The following CHD1 variants were observed in gnomAD, a reference collection of about 807,000 sequenced individuals.
CHD1 encodes chromodomain helicase DNA binding protein 1.
CHD1 carries 36 observed loss-of-function variants against 224.2 expected under a neutral mutation model. That is an observed-to-expected ratio of 0.16 (90% CI 0.12 to 0.21). CHD1 has a LOEUF of 0.21. CHD1 is among the 10% of genes least tolerant of loss of function. CHD1 has a pLI of 1.00. For synonymous variants in CHD1, 668 were observed against 658.3 expected (o/e 1.01, Z -0.23); for missense variants, 1,378 against 1,994.8 (o/e 0.69, Z 5.89).
At position 98,869,208 on chromosome 5, in the gene CHD1, C is replaced by G. The variant is rs1749129733; in HGVS notation, c.4107+546G>C. Reference sequence around the variant, plus strand: ...TCCTTCTTTATATAAACATCTGGCTCAGGTTTTTCTTCACTGTCTCTTTCT... The same window carrying G: ...TCCTTCTTTATATAAACATCTGGCTGAGGTTTTTCTTCACTGTCTCTTTCT... On this transcript the variant is annotated intron_variant, in intron 30 of 35. Transcript: ENST00000614616. 2.6e-5 allele frequency: 25 copies of G among 978,556 alleles called. No individual in the cohort carries two copies. In the South Asian group the frequency reaches 9.9e-4, roughly 39 times the overall value. 60.6% of individuals were successfully genotyped at this position (978,556 alleles called of 1,614,324 possible). A position where few individuals can be genotyped will look rare whatever the true frequency, so the allele number is the denominator to read the frequency against.
chr5:98,922,725 T>C (rs756893403), intron 2 of CHD1, among the ~76,000 whole-genome samples: 28 of 152,334 alleles, frequency 1.8e-4, no homozygotes, highest in Non-Finnish European at 4.1e-4. Context: ...CGGTGGCTCA[T>C]GCCTGTAATC....
chr5:98,907,120 G>T (rs978160429), intron 2 of CHD1, among the ~76,000 whole-genome samples: 1 of 152,158 alleles, frequency 6.6e-6, no homozygotes, highest in East Asian at 1.9e-4. Flanking sequence ...AATGAATACA[G>T]AAATCTTTCC....
intron 22 of CHD1, among the ~76,000 whole-genome samples, chr5:98,880,424 C>T (rs902384836): frequency 6.6e-6 from 1 of 152,224 alleles, no homozygotes; most frequent in Non-Finnish European, 1.5e-5. Context: ...TTTTTATTCA[C>T]TGTGTGGGGT....
Position 98,856,254 on chromosome 5 carries a change from GAAGT to G in CHD1, c.*122_*125del, listed in dbSNP as rs1748011382. 1.5e-6 allele frequency: 1 copy of G among 663,400 alleles called. No homozygotes were observed. The highest frequency in any genetic ancestry group is 1.8e-5 in the African/African-American group (1 of 55,110). 41.1% of individuals were successfully genotyped at this position (663,400 alleles called of 1,614,324 possible). A position where few individuals can be genotyped will look rare whatever the true frequency, so the allele number is the denominator to read the frequency against. On this transcript the variant is annotated 3_prime_UTR_variant, in exon 36 of 36. Transcript: ENST00000614616. ...GATAATAGACCTTGCATCCTGGAAA[GAAGT>G]AACAATACTGCTACTGATAGAAGAT...
At chr5:98,879,238 G>GA (rs1365835396) in intron 23 of CHD1, among the ~76,000 whole-genome samples, 10 of 150,998 alleles carry the variant, frequency 6.6e-5, no homozygotes, top group African/African-American at 1.5e-4. Flanking sequence ...TGTCACCAAA[G>GA]AAAAAAGAAA....
intron 3 of CHD1, among the ~76,000 whole-genome samples, chr5:98,904,429 G>T (rs1751919809): frequency 6.6e-6 from 1 of 152,112 alleles, no homozygotes; most frequent in African/African-American, 2.4e-5. Context: ...TGTATCTCTT[G>T]TAGTTTTTTC....
intron 16 of CHD1, 22 bp from the exon 17 acceptor site, chr5:98,888,262 TTA>T (rs758101808): frequency 6.3e-7 from 1 of 1,582,858 alleles, no homozygotes; most frequent in South Asian, 1.2e-5. Flanking sequence ...ATTCAAGTTG[TTA>T]TATGTTAAAA....
chr5:98,904,826 T>C (rs763853541), intron 3 of CHD1, 71 bp downstream of exon 3: 57 of 1,331,820 alleles, frequency 4.3e-5, no homozygotes, highest in African/African-American at 8.7e-5. Context: ...AAGAATGGTA[T>C]AAACCAATCC....
intron 31 of CHD1, among the ~76,000 whole-genome samples, chr5:98,864,360 T>C (rs1378072610): frequency 2.6e-5 from 4 of 151,712 alleles, no homozygotes; most frequent in African/African-American, 9.7e-5. Flanking sequence ...CATCAGACAA[T>C]GCATTTAGAT....
At chr5:98,917,115 G>C (rs973160608) in intron 2 of CHD1, among the ~76,000 whole-genome samples, 10 of 151,862 alleles carry the variant, frequency 6.6e-5, no homozygotes, top group Non-Finnish European at 1.5e-4. Flanking sequence ...AAAAACTTTT[G>C]ATCCTAGGAC....
intron 2 of CHD1, among the ~76,000 whole-genome samples, chr5:98,906,378 A>C (rs1325426785): frequency 3.3e-5 from 5 of 152,184 alleles, no homozygotes; most frequent in Non-Finnish European, 7.4e-5. Flanking sequence ...TTAATTTTTA[A>C]GGCCATATTT....
intron 22 of CHD1, among the ~76,000 whole-genome samples, chr5:98,880,377 C>T (rs1388883323): frequency 6.6e-6 from 1 of 152,208 alleles, no homozygotes; most frequent in Non-Finnish European, 1.5e-5. Context: ...CAATCAACCA[C>T]AAAGTAGTCA....
intron 24 of CHD1, among the ~76,000 whole-genome samples, chr5:98,875,361 A>C (rs578179994): frequency 3.4e-4 from 52 of 152,296 alleles, no homozygotes; most frequent in African/African-American, 1.2e-3. Flanking sequence ...AATAGAAGCT[A>C]AATTTTGTTT....
rs933750080 is a variant in CHD1, at chr5:98,869,676, T to G, written c.4107+78A>C. 5.8e-5 allele frequency: 87 copies of G among 1,491,080 alleles called. 1 individual carries two copies. In the East Asian group the frequency reaches 1.9e-3, roughly 33 times the overall value. 92.4% of individuals were successfully genotyped at this position (1,491,080 alleles called of 1,614,324 possible). ...CAGACTTCGGTACCTAAAATATAAATTTTAAATGTAAAGTACACAAAAACA... is the reference window on the plus strand; with the variant it reads ...CAGACTTCGGTACCTAAAATATAAAGTTTAAATGTAAAGTACACAAAAACA... On this transcript the variant is annotated intron_variant, in intron 30 of 35. Coordinates refer to ENST00000614616, the MANE Select transcript of CHD1 (RefSeq NM_001270.4).
intron 2 of CHD1, among the ~76,000 whole-genome samples, chr5:98,923,905 T>C (rs1753274250): frequency 6.6e-6 from 1 of 152,202 alleles, no homozygotes; most frequent in African/African-American, 2.4e-5. Flanking sequence ...AATAGTTTGG[T>C]TCCTTTGTTT....
Position 98,870,638 on chromosome 5 carries a change from T to G in CHD1, c.3978+49A>C, listed in dbSNP as rs780624823. On this transcript the variant is annotated intron_variant, in intron 29 of 35. Transcript: ENST00000614616. ...TTAGCATGGTGAAGTAAACAAAATTTACCTTACTAAAAAGTAAACTGGTCT... is the reference window on the plus strand; with the variant it reads ...TTAGCATGGTGAAGTAAACAAAATTGACCTTACTAAAAAGTAAACTGGTCT... The G allele has an allele frequency of 2.9e-5, 31 of 1,054,784 alleles. No individual in the cohort carries two copies. The Admixed American group carries it at 4.8e-4, about 16-fold the overall frequency. The allele number at this position is 1,054,784 out of a possible 1,614,324, so 65.3% of individuals were successfully genotyped here. A position where few individuals can be genotyped will look rare whatever the true frequency, so the allele number is the denominator to read the frequency against.
chr5:98,922,331 T>A (rs138835251), intron 2 of CHD1, among the ~76,000 whole-genome samples: 2 of 152,212 alleles, frequency 1.3e-5, no homozygotes, highest in Admixed American at 6.5e-5. Context: ...GTAACTGTTA[T>A]ACAGGTGCAT....
chr5:98,903,942 G>T, intron 3 of CHD1, 34 bp from the exon 4 acceptor site: 5 of 1,382,636 alleles, frequency 3.6e-6, no homozygotes, highest in Non-Finnish European at 5.0e-6. Flanking sequence ...GAATGAAGAA[G>T]TATTAAGAAA....
At chr5:98,870,280 C>T (rs1043775141) in intron 29 of CHD1, among the ~76,000 whole-genome samples, 1 of 152,140 alleles carries the variant, frequency 6.6e-6, no homozygotes, top group Non-Finnish European at 1.5e-5. Context: ...TTTCCAATCA[C>T]CTCCTTTTTG....
Sources: allele counts gnomAD v4.1 joint callset (sites outside exome capture counted in the v4.1 genomes callset), GRCh38; gene constraint gnomAD v4.1.1; transcripts MANE v1.5; gene names NCBI Gene and HGNC (gene_info 2026-07-23, HGNC 2026-07-21).